The following TMEM232 variants were observed in gnomAD, a reference collection of about 807,000 sequenced individuals.
The protein encoded by TMEM232 is transmembrane protein 232.
A neutral mutation model predicts 78.8 loss-of-function variants in TMEM232; 80 were observed. That is an observed-to-expected ratio of 1.01 (90% confidence interval 0.85 to 1.22). TMEM232 has a LOEUF of 1.22. Among genes scored for constraint, TMEM232 ranks in the 50% most tolerant of loss-of-function variants. The pLI, the probability that TMEM232 is intolerant of heterozygous loss-of-function variation, is 0.00. For missense variants in TMEM232, 881 were observed against 742.2 expected (o/e 1.19, Z -2.17); for synonymous variants, 297 against 254.3 (o/e 1.17, Z -1.60).
intron 11 of TMEM232, among the ~76,000 whole-genome samples, chr5:110,529,412 A>T (rs538412952): frequency 1.7e-3 from 262 of 152,080 alleles, no homozygotes; most frequent in Non-Finnish European, 3.1e-3. Flanking sequence ...CTCCTGGCTA[A>T]TTTTTGTTAT....
intron 10 of TMEM232, among the ~76,000 whole-genome samples, chr5:110,587,681 ATATATATATATGTGTGTGTG>A (rs1392492717): frequency 5.9e-4 from 62 of 105,610 alleles, no homozygotes; most frequent in East Asian, 2.4e-3. Flanking sequence ...ATATATATAT[ATATATATATATGTGTGTGTG>A]TGTGTGTGTG....
intron 10 of TMEM232, among the ~76,000 whole-genome samples, chr5:110,580,607 G>A (rs1368093099): frequency 1.3e-5 from 2 of 151,606 alleles, no homozygotes; most frequent in Non-Finnish European, 3.0e-5. Context: ...TACAATAATA[G>A]TAGGAAATTT....
intron 12 of TMEM232, among the ~76,000 whole-genome samples, chr5:110,527,943 T>C (rs538025988): frequency 6.6e-6 from 1 of 152,092 alleles, no homozygotes; most frequent in Admixed American, 6.5e-5. Context: ...GTGTTATATA[T>C]CAGGAGTGAT....
At chr5:110,663,888 C>A (rs1202041446) in intron 2 of TMEM232, among the ~76,000 whole-genome samples, 1 of 152,012 alleles carries the variant, frequency 6.6e-6, no homozygotes, top group Non-Finnish European at 1.5e-5. Context: ...TCTATAACCC[C>A]AGAATTTTTG....
intron 10 of TMEM232, among the ~76,000 whole-genome samples, chr5:110,583,645 C>A (rs1778450181): frequency 6.6e-6 from 1 of 151,454 alleles, no homozygotes; most frequent in African/African-American, 2.4e-5. Context: ...GGAACTACAT[C>A]AAATAAAAAA....
chr5:110,598,722 G>C (rs2149801069), intron 10 of TMEM232, among the ~76,000 whole-genome samples: 1 of 151,868 alleles, frequency 6.6e-6, no homozygotes, highest in South Asian at 2.1e-4. Context: ...GGACATGGAT[G>C]AAATTGGAAA....
intron 1 of TMEM232, among the ~76,000 whole-genome samples, chr5:110,681,542 A>C (rs1434464491): frequency 6.6e-6 from 1 of 152,210 alleles, no homozygotes; most frequent in Non-Finnish European, 1.5e-5. Flanking sequence ...TAGCCATTTA[A>C]TAGTTGAATG....
chr5:110,528,462 T>C, intron 12 of TMEM232, 126 bp downstream of exon 12: 2 of 1,071,178 alleles, frequency 1.9e-6, no homozygotes, highest in Non-Finnish European at 2.5e-6. Context: ...TAAGAGGTGA[T>C]CAAGCCAAAA....
intron 12 of TMEM232, among the ~76,000 whole-genome samples, chr5:110,503,856 G>A (rs1449798858): frequency 6.6e-6 from 1 of 152,168 alleles, no homozygotes; most frequent in East Asian, 1.9e-4. Context: ...ATGGAGCTGT[G>A]TGACTTTTTT....
intron 3 of TMEM232, among the ~76,000 whole-genome samples, chr5:110,393,408 C>T (rs75085043): frequency 0.056 from 8,465 of 152,194 alleles, 474 homozygotes; most frequent in East Asian, 0.23. Flanking sequence ...ACCTCTCTAT[C>T]CTGCATAATA....
At chr5:110,645,211 C>T (rs1436992458) in intron 2 of TMEM232, among the ~76,000 whole-genome samples, 5 of 151,640 alleles carry the variant, frequency 3.3e-5, no homozygotes, top group African/African-American at 1.2e-4. Flanking sequence ...AGGAACACTT[C>T]CAAACTCATT....
At chr5:110,626,735 C>A (rs1381729119) in intron 6 of TMEM232, among the ~76,000 whole-genome samples, 1 of 152,030 alleles carries the variant, frequency 6.6e-6, no homozygotes, top group African/African-American at 2.4e-5. Flanking sequence ...CACCTCTCCA[C>A]TGGGTATGCT....
At chr5:110,638,401 T>C (rs1177404466) in intron 4 of TMEM232, 46 bp from the exon 5 acceptor site, 3 of 1,473,914 alleles carry the variant, frequency 2.0e-6, no homozygotes, top group African/African-American at 2.9e-5. Context: ...AAAATCATCC[T>C]GTTTTTCCAC....
intron 12 of TMEM232, among the ~76,000 whole-genome samples, chr5:110,444,625 T>G (rs1385760846): frequency 6.6e-6 from 1 of 152,234 alleles, no homozygotes; most frequent in African/African-American, 2.4e-5. Flanking sequence ...TCTGCCATCT[T>G]GCTCTACCCC....
chr5:110,486,223 T>A (rs1276078747), intron 12 of TMEM232, among the ~76,000 whole-genome samples: 1 of 152,126 alleles, frequency 6.6e-6, no homozygotes, highest in Non-Finnish European at 1.5e-5. Context: ...TATTAGTCCT[T>A]TGTCAGATGT....
At chr5:110,482,059 A>G (rs1001630321) in intron 12 of TMEM232, among the ~76,000 whole-genome samples, 1 of 152,150 alleles carries the variant, frequency 6.6e-6, no homozygotes, top group African/African-American at 2.4e-5. Context: ...AAGAATCATA[A>G]TATATTTGAG....
chr5:110,684,218 C>T (rs879440986), intron 1 of TMEM232, among the ~76,000 whole-genome samples: 1 of 151,218 alleles, frequency 6.6e-6, no homozygotes, highest in Non-Finnish European at 1.5e-5. Context: ...TCAAGAATAA[C>T]CTTAAAAAGA....
upstream of TMEM232, chr5:110,738,901 T>G: frequency 1.6e-6 from 2 of 1,260,124 alleles, no homozygotes; most frequent in Non-Finnish European, 2.1e-6. Flanking sequence ...AAGGTCCAGG[T>G]TACCGCCGCG....
chr5:110,514,494 C>T (rs1389035784), intron 12 of TMEM232, among the ~76,000 whole-genome samples: 1 of 151,900 alleles, frequency 6.6e-6, no homozygotes, highest in Non-Finnish European at 1.5e-5. Flanking sequence ...TCTTTATCTA[C>T]CTTCTTTTTC....
Sources: allele counts gnomAD v4.1 joint callset (sites outside exome capture counted in the v4.1 genomes callset), GRCh38; gene constraint gnomAD v4.1.1; transcripts MANE v1.5; gene names NCBI Gene and HGNC (gene_info 2026-07-23, HGNC 2026-07-21).